The following ANKRD49 variants were observed in gnomAD, a reference collection of about 807,000 sequenced individuals.
The protein encoded by ANKRD49 is ankyrin repeat domain-containing protein 49.
In ANKRD49, 18 loss-of-function variants were observed where a neutral mutation model predicts 19.6. The observed-to-expected ratio is 0.92, with a 90% CI of 0.63 to 1.36. ANKRD49 has a LOEUF of 1.36. Ranked by LOEUF, ANKRD49 falls within the 40% of genes most tolerant of loss-of-function variation. The pLI is 0.00. For synonymous variants in ANKRD49, 88 were observed against 101.8 expected (o/e 0.86, Z 0.82); for missense variants, 218 against 281.6 (o/e 0.77, Z 1.62).
chr11:94,496,580 T>A lies in ANKRD49; in HGVS notation c.-90-24T>A, dbSNP rs115478879. The A allele has an allele frequency of 1.2e-3, 1,141 of 965,544 alleles. 6 individuals carry two copies. In the African/African-American group the frequency reaches 0.015, roughly 12 times the overall value. The allele number at this position is 965,544 out of a possible 1,614,324, so 59.8% of individuals were successfully genotyped here. On this transcript the variant is annotated intron_variant, in intron 1 of 2. Coordinates refer to ENST00000544612, the MANE Select transcript of ANKRD49 (RefSeq NM_017704.3). ...AAAGCCTGAATTATTGTTTTACTAA[T>A]AACTTTTGTATTTGTGTTTTCAGAT...
intron 2 of ANKRD49, chr11:94,497,219 G>C: frequency 3.8e-6 from 2 of 532,374 alleles, no homozygotes; most frequent in South Asian, 3.2e-5. Context: ...ATTTAGGAAA[G>C]AGAGGATGGA....
At position 94,498,430 on chromosome 11, in the gene ANKRD49, C is replaced by T; in HGVS notation, c.618C>T (p.Asn206=). Residue 206 remains asparagine (N), a synonymous_variant, in exon 3 of 3, where the codon AAC becomes AAT. Transcript: ENST00000544612. The part of the protein sequence containing the change: ...MNRYVKPGLK[N]NLEETAFDIA... ...GTTACGTCAAACCAGGGCTGAAAAA[C>T]AACTTGGAAGAAACTGCATTTGATA... 6.2e-7 allele frequency: 1 copy of T among 1,613,770 alleles called. No homozygotes were observed. Among genetic ancestry groups the T allele is most frequent in the Non-Finnish European group, 8.5e-7 (1 of 1,179,838 alleles).
chr11:94,497,470 T>C (rs1472315488), intron 2 of ANKRD49: 1 of 165,334 alleles, frequency 6.0e-6, no homozygotes, highest in Non-Finnish European at 1.3e-5. Flanking sequence ...AACTAATAAC[T>C]AAAAGGGTCT....
At position 94,498,743 on chromosome 11, in the gene ANKRD49, A is replaced by G; in HGVS notation, c.*211A>G. On this transcript the variant is annotated 3_prime_UTR_variant, in exon 3 of 3. Coordinates refer to ENST00000544612, the MANE Select transcript of ANKRD49 (RefSeq NM_017704.3). ...TTTAATTATTTCTGTGGAGTTTGTG[A>G]TTTTTTTATCAGAAATAATTTTAAT... The G allele has an allele frequency of 1.8e-6, 1 of 568,156 alleles. No homozygotes were observed. 35.2% of individuals were successfully genotyped at this position (568,156 alleles called of 1,614,324 possible).
In ANKRD49 at chr11:94,494,384, A is replaced by G. The variant is rs36224993; in HGVS notation, c.-91+349A>G. ...CTGAGAGCAGTAAGATGTATAGTGC[A>G]GCGAAAAATAATGTAGAACTTTTGA... On this transcript the variant is annotated intron_variant, in intron 1 of 2. Coordinates refer to ENST00000544612, the MANE Select transcript of ANKRD49 (RefSeq NM_017704.3). Among the ~76,000 whole-genome samples the G allele has an allele frequency of 2.0e-5, 3 of 152,354 alleles. No homozygotes were observed. In the East Asian group the frequency reaches 5.8e-4, roughly 29 times the overall value.
chr11:94,498,290 T>C lies in ANKRD49; in HGVS notation c.478T>C (p.Leu160=). ...GAATAATACCAGAGTGGCTTCTTTC[T>C]TACTGCAGCATGATGCAGATATCAA... ...KWNNTRVASF[L]LQHDADINAQ... Residue 160 remains leucine (L), a synonymous_variant, in exon 3 of 3, where the codon TTA becomes CTA. Coordinates refer to ENST00000544612, the MANE Select transcript of ANKRD49 (RefSeq NM_017704.3). 2 of 1,614,166 alleles carry C rather than the reference T, an allele frequency of 1.2e-6. No homozygotes were observed. The highest frequency in any genetic ancestry group is 1.3e-5 in the African/African-American group (1 of 75,038).
In ANKRD49 at chr11:94,498,436, G is replaced by T; in HGVS notation, c.624G>T (p.Leu208Phe). Residue 208 changes from leucine (L) to phenylalanine (F), a missense_variant, in exon 3 of 3, where the codon TTG becomes TTT. Physicochemically the swap from Leu to Phe is conservative, Grantham distance 22. Transcript: ENST00000544612. ...TCAAACCAGGGCTGAAAAACAACTT[G>T]GAAGAAACTGCATTTGATATTGCCA... is the stretch of plus-strand genomic sequence containing the variant. ...RYVKPGLKNN[L>F]EETAFDIARR... 6.2e-7 allele frequency: 1 copy of T among 1,613,720 alleles called. No homozygotes were observed. Among genetic ancestry groups the T allele is most frequent in the Non-Finnish European group, 8.5e-7 (1 of 1,179,830 alleles).
At position 94,498,448 on chromosome 11, in the gene ANKRD49, A is replaced by G. The variant is rs1158871838; in HGVS notation, c.636A>G (p.Ala212=). Reference sequence around the variant, plus strand: ...TGAAAAACAACTTGGAAGAAACTGCATTTGATATTGCCAGGAGGACAAGTA... The same window carrying G: ...TGAAAAACAACTTGGAAGAAACTGCGTTTGATATTGCCAGGAGGACAAGTA... The part of the protein sequence containing the change: ...PGLKNNLEET[A]FDIARRTSIY... The change falls in exon 3 of 3, where the codon GCA becomes GCG. Residue 212 remains alanine (A), a synonymous_variant. Transcript: ENST00000544612. 1 of 1,613,958 alleles carries G rather than the reference A, an allele frequency of 6.2e-7. No homozygotes were observed. The highest frequency in any genetic ancestry group is 8.5e-7 in the Non-Finnish European group (1 of 1,179,862).
rs762735274 is a variant in ANKRD49, at chr11:94,498,168, G to A, written c.356G>A (p.Gly119Glu). The change falls in exon 3 of 3, where the codon GGA (glycine) becomes GAA (glutamate). Residue 119 changes from glycine to glutamate, a missense_variant. Transcript: ENST00000544612. The part of the protein sequence containing the change: ...YTPLHRAAYS[G>E]HLDIVQELIA... The stretch of plus-strand genomic sequence containing the variant: ...CCTCTTCATCGAGCAGCCTACAGTG[G>A]ACACTTAGATATTGTTCAGGAGCTC... 6.2e-7 allele frequency: 1 copy of A among 1,614,150 alleles called. No individual in the cohort carries two copies. The highest frequency in any genetic ancestry group is 1.1e-5 in the South Asian group (1 of 91,082).
chr11:94,497,921 AAG>A, intron 2 of ANKRD49, 148 bp from the exon 3 acceptor site: 1 of 628,404 alleles, frequency 1.6e-6, no homozygotes, highest in Non-Finnish European at 2.7e-6. Context: ...CCTCCCCAAA[AAG>A]AGATCTTAAA....
In ANKRD49 at chr11:94,496,688, T is replaced by G. The variant is rs745628419; in HGVS notation, c.-6T>G. 9 of 1,571,230 alleles carry G rather than the reference T, an allele frequency of 5.7e-6. No individual in the cohort carries two copies. In the Middle Eastern group the frequency reaches 5.1e-4, roughly 89 times the overall value. On this transcript the variant is annotated 5_prime_UTR_variant, in exon 2 of 3. Transcript: ENST00000544612. ...AAATGCTTTTTATTTAGAATAGTAG[T>G]AAAAAATGGAAAAAGAAAAAGGAAA...
intron 1 of ANKRD49, 72 bp downstream of exon 1, chr11:94,494,107 T>G (rs1947371393): frequency 6.6e-6 from 1 of 152,178 alleles, no homozygotes; most frequent in Non-Finnish European, 1.5e-5. Flanking sequence ...CCTGAGCCCG[T>G]GGGGGTGGGT....
At chr11:94,496,520 T>A in intron 1 of ANKRD49, 84 bp from the exon 2 acceptor site, 1 of 582,424 alleles carries the variant, frequency 1.7e-6, no homozygotes, top group Non-Finnish European at 2.9e-6. Context: ...AGGGTTTAAT[T>A]GTATATGTTT....
At position 94,499,571 on chromosome 11, in the gene ANKRD49, G is replaced by A. The variant is rs996778752; in HGVS notation, c.*1039G>A. 1 of 151,918 alleles carries A rather than the reference G, an allele frequency of 6.6e-6. No homozygotes were observed. The highest frequency in any genetic ancestry group is 1.5e-5 in the Non-Finnish European group (1 of 67,976). 9.4% of individuals were successfully genotyped at this position (151,918 alleles called of 1,614,324 possible). ...TTGAGAAAAATAAAGTACAAGTTTT[G>A]AACAACACAAAAGGCATGAATTCAT... On this transcript the variant is annotated 3_prime_UTR_variant, in exon 3 of 3. Coordinates refer to ENST00000544612, the MANE Select transcript of ANKRD49 (RefSeq NM_017704.3).
At position 94,498,727 on chromosome 11, in the gene ANKRD49, T is replaced by C. The variant is rs895355951; in HGVS notation, c.*195T>C. 3 of 585,314 alleles carry C rather than the reference T, an allele frequency of 5.1e-6. No individual in the cohort carries two copies. Among genetic ancestry groups the C allele is most frequent in the Non-Finnish European group, 8.9e-6 (3 of 337,210 alleles). 36.3% of individuals were successfully genotyped at this position (585,314 alleles called of 1,614,324 possible). A position where few individuals can be genotyped will look rare whatever the true frequency, so the allele number is the denominator to read the frequency against. On this transcript the variant is annotated 3_prime_UTR_variant, in exon 3 of 3. Coordinates refer to ENST00000544612, the MANE Select transcript of ANKRD49 (RefSeq NM_017704.3). ...GTAATTTGCATATATCTTTAATTATTTCTGTGGAGTTTGTGATTTTTTTAT... is the reference window on the plus strand; with the variant it reads ...GTAATTTGCATATATCTTTAATTATCTCTGTGGAGTTTGTGATTTTTTTAT...
At position 94,496,946 on chromosome 11, in the gene ANKRD49, A is replaced by C; in HGVS notation, c.253A>C (p.Asn85His). 1 of 1,613,440 alleles carries C rather than the reference A, an allele frequency of 6.2e-7. No homozygotes were observed. Among genetic ancestry groups the C allele is most frequent in the Non-Finnish European group, 8.5e-7 (1 of 1,179,976 alleles). ...SRLLLWAAEKNRLTTVRRLLS... is the reference protein window; with the variant it reads ...SRLLLWAAEKHRLTTVRRLLS... ...ATTGCTTCTTTGGGCTGCTGAAAAA[A>C]ATCGGGTAAAAAAAAAAATTACAGA... Residue 85 changes from asparagine (N) to histidine (H), a missense_variant, in exon 2 of 3, where the codon AAT (asparagine) becomes CAT (histidine). Physicochemically the swap from Asn to His is moderately conservative, Grantham distance 68 (BLOSUM62 1). Coordinates refer to ENST00000544612, the MANE Select transcript of ANKRD49 (RefSeq NM_017704.3).
rs1448029774 is a variant in ANKRD49 at position 94,498,252 on chromosome 11, G to A, written c.440G>A (p.Ser147Asn). ...GTGGATGGCTGGACGCCCCTGCACA[G>A]TGCTTGTAAGTGGAATAATACCAGA... Reference protein sequence around the residue: ...VTVDGWTPLHSACKWNNTRVA... With the variant: ...VTVDGWTPLHNACKWNNTRVA... Residue 147 changes from serine to asparagine, a missense_variant, in exon 3 of 3, where the codon AGT becomes AAT. Ser to Asn is a conservative substitution (Grantham distance 46). Coordinates refer to ENST00000544612, the MANE Select transcript of ANKRD49 (RefSeq NM_017704.3). 2 of 1,614,046 alleles carry A rather than the reference G, an allele frequency of 1.2e-6. No homozygotes were observed. Among genetic ancestry groups the A allele is most frequent in the Non-Finnish European group, 1.7e-6 (2 of 1,180,046 alleles).
At chr11:94,496,510 AG>A in intron 1 of ANKRD49, 93 bp from the exon 2 acceptor site, 1 of 545,652 alleles carries the variant, frequency 1.8e-6, no homozygotes, top group South Asian at 3.1e-5. Flanking sequence ...GAGTTTAGAC[AG>A]GGTTTAATTG....
At chr11:94,494,805 G>A (rs1169052033) in intron 1 of ANKRD49, among the ~76,000 whole-genome samples, 1 of 152,144 alleles carries the variant, frequency 6.6e-6, no homozygotes, top group Non-Finnish European at 1.5e-5. Flanking sequence ...TTGGGGGAGA[G>A]GGTAAGATCT....
Sources: allele counts gnomAD v4.1 joint callset (sites outside exome capture counted in the v4.1 genomes callset), GRCh38; gene constraint gnomAD v4.1.1; transcripts MANE v1.5; gene names NCBI Gene and HGNC (gene_info 2026-07-23, HGNC 2026-07-21).